CLSTN2: variants seen among roughly 807,000 people sequenced by gnomAD.
CLSTN2 encodes calsyntenin 2, also known as calsyntenin-2.
Under a neutral mutation model 101.2 loss-of-function variants are expected in CLSTN2, and 48 were observed. The ratio of observed to expected loss-of-function variants is 0.47; its 90% CI spans 0.38 to 0.60. The LOEUF is 0.60. Among genes scored for constraint, CLSTN2 ranks in the 20% least tolerant of loss-of-function variants. The pLI, the probability that CLSTN2 is intolerant of heterozygous loss-of-function variation, is 0.00. For missense variants in CLSTN2, 1,160 were observed against 1,238.2 expected, an observed-to-expected ratio of 0.94 and a Z score of 0.95; for synonymous variants, 481 against 463.6, an observed-to-expected ratio of 1.04 and a Z score of -0.48.
At chr3:140,344,165 A>C (rs2087518846) in intron 2 of CLSTN2, among the ~76,000 whole-genome samples, 1 of 152,178 alleles carries the variant, frequency 6.6e-6, no homozygotes, top group Admixed American at 6.5e-5. Context: ...AACAGTAAGC[A>C]TTTATTTACC....
intron 1 of CLSTN2, among the ~76,000 whole-genome samples, chr3:140,017,344 A>G (rs551702154): frequency 5.9e-5 from 9 of 152,312 alleles, no homozygotes; most frequent in Admixed American, 2.6e-4. Context: ...TGCTTGTCAG[A>G]AGGGTGGTCA....
At chr3:140,192,840 A>G (rs1055383708) in intron 2 of CLSTN2, among the ~76,000 whole-genome samples, 2 of 151,566 alleles carry the variant, frequency 1.3e-5, no homozygotes, top group Admixed American at 6.6e-5. Flanking sequence ...GTGTTGTTCT[A>G]TTTTTTGGCG....
chr3:139,985,554 C>T (rs1248386721), intron 1 of CLSTN2, among the ~76,000 whole-genome samples: 3 of 152,034 alleles, frequency 2.0e-5, no homozygotes, highest in Non-Finnish European at 2.9e-5. Flanking sequence ...ATTCTGTGTG[C>T]GTGTATGATT....
At chr3:140,219,621 C>T (rs2086248817) in intron 2 of CLSTN2, among the ~76,000 whole-genome samples, 1 of 152,206 alleles carries the variant, frequency 6.6e-6, no homozygotes, top group South Asian at 2.1e-4. Flanking sequence ...GAGGCCTCCT[C>T]TCCACTGCCA....
At chr3:140,245,558 T>C (rs1201352276) in intron 2 of CLSTN2, among the ~76,000 whole-genome samples, 1 of 152,200 alleles carries the variant, frequency 6.6e-6, no homozygotes, top group Non-Finnish European at 1.5e-5. Flanking sequence ...GAAGGATAAC[T>C]GAATTCACTG....
At chr3:140,039,529 A>G (rs1450369026) in intron 1 of CLSTN2, among the ~76,000 whole-genome samples, 1 of 152,204 alleles carries the variant, frequency 6.6e-6, no homozygotes, top group Non-Finnish European at 1.5e-5. Flanking sequence ...AAAAGCATGA[A>G]CTATTTGTAA....
At chr3:140,457,192 C>T (rs1933423351) in intron 6 of CLSTN2, among the ~76,000 whole-genome samples, 1 of 152,196 alleles carries the variant, frequency 6.6e-6, no homozygotes, top group South Asian at 2.1e-4. Flanking sequence ...ACCACACACA[C>T]ATCTCTGCAC....
intron 2 of CLSTN2, among the ~76,000 whole-genome samples, chr3:140,321,569 C>A (rs1403606965): frequency 6.6e-6 from 1 of 152,164 alleles, no homozygotes; most frequent in Non-Finnish European, 1.5e-5. Context: ...AACACCCCTG[C>A]AAGCTGATAG....
At chr3:140,563,426 A>G (rs911847053) in intron 15 of CLSTN2, among the ~76,000 whole-genome samples, 26 of 152,238 alleles carry the variant, frequency 1.7e-4, no homozygotes, top group African/African-American at 6.3e-4. Flanking sequence ...AGCAGAGGTC[A>G]GTACAAAGGG....
At chr3:140,093,338 A>T (rs1217578829) in intron 1 of CLSTN2, among the ~76,000 whole-genome samples, 1 of 151,968 alleles carries the variant, frequency 6.6e-6, no homozygotes, top group Non-Finnish European at 1.5e-5. Context: ...CTCAGCAATG[A>T]TCTGTACCCG....
intron 8 of CLSTN2, among the ~76,000 whole-genome samples, chr3:140,522,408 G>T (rs1227420734): frequency 6.6e-6 from 1 of 152,208 alleles, no homozygotes; most frequent in African/African-American, 2.4e-5. Context: ...AGTCTTAAGA[G>T]AATCTGGTTT....
chr3:140,158,801 A>G (rs1166234793), intron 1 of CLSTN2, among the ~76,000 whole-genome samples: 1 of 152,180 alleles, frequency 6.6e-6, no homozygotes, highest in Non-Finnish European at 1.5e-5. Flanking sequence ...GCAGTAACCA[A>G]AACAGCATGG....
intron 1 of CLSTN2, among the ~76,000 whole-genome samples, chr3:140,149,464 ATT>A (rs11328442): frequency 6.0e-4 from 90 of 151,094 alleles, no homozygotes; most frequent in African/African-American, 1.7e-3. Flanking sequence ...GATAAATAGC[ATT>A]TTTTTTTTTA....
chr3:140,067,881 G>A (rs55844273), intron 1 of CLSTN2, among the ~76,000 whole-genome samples: 1,793 of 152,306 alleles, frequency 0.012, 40 homozygotes, highest in African/African-American at 0.04. Context: ...GTAGTAATGT[G>A]CATTAGGTTA....
intron 1 of CLSTN2, among the ~76,000 whole-genome samples, chr3:140,135,456 G>A (rs2009601978): frequency 6.6e-6 from 1 of 151,980 alleles, no homozygotes; most frequent in Non-Finnish European, 1.5e-5. Flanking sequence ...GATTCAATAT[G>A]TCATTTCTGT....
At chr3:140,135,143 T>G (rs1199589223) in intron 1 of CLSTN2, among the ~76,000 whole-genome samples, 3 of 135,800 alleles carry the variant, frequency 2.2e-5, no homozygotes, top group African/African-American at 8.8e-5. Flanking sequence ...TATATATATA[T>G]ATATATATAT....
At chr3:140,221,343 G>A (rs538511566) in intron 2 of CLSTN2, among the ~76,000 whole-genome samples, 97 of 152,198 alleles carry the variant, frequency 6.4e-4, no homozygotes, top group Non-Finnish European at 1.2e-3. Context: ...TTTTGATTAT[G>A]GGGTGTTGCC....
At chr3:140,063,675 C>T (rs553765451) in intron 1 of CLSTN2, among the ~76,000 whole-genome samples, 89 of 152,280 alleles carry the variant, frequency 5.8e-4, no homozygotes, top group Non-Finnish European at 2.2e-4. Flanking sequence ...CAACCCCTTC[C>T]GTTGCCTCCT....
At chr3:140,264,940 C>T (rs1477122156) in intron 2 of CLSTN2, among the ~76,000 whole-genome samples, 1 of 152,310 alleles carries the variant, frequency 6.6e-6, no homozygotes, top group Non-Finnish European at 1.5e-5. Flanking sequence ...GCACAGGTCT[C>T]TGCCCTGAAG....
Sources: gnomAD v4.1 joint callset for allele counts (sites outside exome capture counted in the v4.1 genomes callset) on GRCh38, gnomAD v4.1.1 for gene constraint, MANE v1.5 for transcripts, NCBI Gene and HGNC (gene_info 2026-07-23, HGNC 2026-07-21) for gene names.